Variants in TFRC observed in about 807,000 individuals in gnomAD.
TFRC encodes transferrin receptor protein 1.
In TFRC, 35 loss-of-function variants were observed where a neutral mutation model predicts 85.8. The ratio of observed to expected loss-of-function variants is 0.41; its 90% confidence interval spans 0.31 to 0.54. The LOEUF (loss-of-function observed/expected upper bound fraction) is 0.54, where lower values mean the gene tolerates loss of function less well. TFRC is among the 20% of genes least tolerant of loss of function. TFRC has a pLI of 0.31. For missense variants in TFRC, 828 were observed against 921.5 expected, an observed-to-expected ratio of 0.90 and a Z score of 1.31; for synonymous variants, 362 against 328.6, an observed-to-expected ratio of 1.10 and a Z score of -1.10.
intron 17 of TFRC, among the ~76,000 whole-genome samples, chr3:196,054,340 G>A (rs1157437502): frequency 6.6e-6 from 1 of 152,136 alleles, no homozygotes; most frequent in Non-Finnish European, 1.5e-5. Context: ...GGGAGGTGGA[G>A]GTTGCAGTGA....
intron 17 of TFRC, 74 bp downstream of exon 17, chr3:196,055,006 C>A: frequency 7.1e-7 from 1 of 1,403,274 alleles, no homozygotes; most frequent in Non-Finnish European, 1.0e-6. Flanking sequence ...CCAACAGGAA[C>A]ACACAGGAAC....
At chr3:196,076,323 T>A (rs904651347) in intron 2 of TFRC, among the ~76,000 whole-genome samples, 5 of 152,084 alleles carry the variant, frequency 3.3e-5, no homozygotes, top group South Asian at 2.1e-4. Context: ...CATTTTTTTT[T>A]TAATAGAGAT....
intron 16 of TFRC, chr3:196,055,595 A>G (rs1353218002): frequency 4.7e-6 from 2 of 429,548 alleles, no homozygotes; most frequent in Admixed American, 7.7e-5. Flanking sequence ...TTAAGGCTGT[A>G]TGTTTTTCTC....
intron 6 of TFRC, 109 bp downstream of exon 6, chr3:196,071,287 C>T (rs1577244870): frequency 9.4e-7 from 1 of 1,058,574 alleles, no homozygotes; most frequent in South Asian, 1.4e-5. Flanking sequence ...CAAAATATCT[C>T]ATGATCATTT....
rs781090564 is a variant in TFRC, at chr3:196,065,424, G to A, written c.1198+19C>T. 3.1e-4 allele frequency: 218 copies of A among 710,650 alleles called. 24 individuals are homozygous for A. In the East Asian group the frequency reaches 4.4e-3, roughly 14 times the overall value. The allele number at this position is 710,650 out of a possible 1,614,324, so 44.0% of individuals were successfully genotyped here. Reference sequence around the variant, plus strand: ...AACAAAAAAAAAGCGGGGCGGGGGGGGGGGGGGGCGGTCTTTACCTGGTTC... The same window carrying A: ...AACAAAAAAAAAGCGGGGCGGGGGGAGGGGGGGGCGGTCTTTACCTGGTTC... On this transcript the variant is annotated intron_variant, in intron 10 of 18. Coordinates refer to ENST00000360110, the MANE Select transcript of TFRC (RefSeq NM_001128148.3).
At chr3:196,074,606 G>C (rs1336520591) in intron 3 of TFRC, among the ~76,000 whole-genome samples, 1 of 152,260 alleles carries the variant, frequency 6.6e-6, no homozygotes, top group East Asian at 1.9e-4. Context: ...AAGTGGACGG[G>C]AAAGTGGCTC....
chr3:196,064,203 A>G, intron 11 of TFRC, 106 bp downstream of exon 11: 1 of 1,241,968 alleles, frequency 8.1e-7, no homozygotes, highest in Non-Finnish European at 1.1e-6. Context: ...ACTAGAGTCT[A>G]GCATGAGAAC....
chr3:196,067,481 C>T, intron 9 of TFRC, 37 bp downstream of exon 9: 3 of 1,587,518 alleles, frequency 1.9e-6, no homozygotes, highest in East Asian at 2.3e-5. Context: ...AATCATAAAA[C>T]CTCACTATGC....
At chr3:196,071,965 T>C (rs1374444874) in intron 5 of TFRC, 38 bp downstream of exon 5, 1 of 1,593,234 alleles carries the variant, frequency 6.3e-7, no homozygotes, top group Admixed American at 1.8e-5. Flanking sequence ...TGAAAATAGC[T>C]ACTTGTATAA....
At chr3:196,066,762 T>C (rs1717775521) in intron 9 of TFRC, among the ~76,000 whole-genome samples, 1 of 152,216 alleles carries the variant, frequency 6.6e-6, no homozygotes, top group Admixed American at 6.5e-5. Context: ...ATACTCCTTA[T>C]ATACAGATGT....
chr3:196,052,512 C>T (rs181286914), intron 18 of TFRC, among the ~76,000 whole-genome samples: 180 of 152,112 alleles, frequency 1.2e-3, no homozygotes, highest in South Asian at 7.5e-3. Flanking sequence ...GCGATCTCAG[C>T]TCACTGCAAC....
At position 196,064,400 on chromosome 3, in the gene TFRC, T is replaced by C. The variant is rs1452466722; in HGVS notation, c.1227A>G (p.Arg409=). 3.1e-6 allele frequency: 5 copies of C among 1,609,638 alleles called. No individual in the cohort carries two copies. In the Middle Eastern group the frequency reaches 6.6e-4, roughly 213 times the overall value. The change falls in exon 11 of 19, where the codon AGA becomes AGG. Residue 409 remains arginine, a synonymous_variant. Coordinates refer to ENST00000360110, the MANE Select transcript of TFRC (RefSeq NM_001128148.3). ...TTGCAGCTCCAGGGCCCCATGCATC[T>C]CTCTGGGCCCCAACTACAACATAGT... is the stretch of plus-strand genomic sequence containing the variant. ...PDHYVVVGAQ[R]DAWGPGAAKS... is the part of the protein sequence containing the mutation.
At chr3:196,069,653 A>C (rs1718030382) in intron 6 of TFRC, 85 bp from the exon 7 acceptor site, 1 of 811,328 alleles carries the variant, frequency 1.2e-6, no homozygotes, top group African/African-American at 1.8e-5. Context: ...TATAGATCAA[A>C]CCTAAGACAG....
intron 11 of TFRC, among the ~76,000 whole-genome samples, chr3:196,063,846 G>A (rs975772563): frequency 6.6e-6 from 1 of 152,132 alleles, no homozygotes; most frequent in Non-Finnish European, 1.5e-5. Flanking sequence ...GAAGTCGGGA[G>A]GCAGAGGTTG....
At chr3:196,065,670 A>G (rs1717679218) in intron 9 of TFRC, 70 bp from the exon 10 acceptor site, 1 of 1,483,822 alleles carries the variant, frequency 6.7e-7, no homozygotes, top group Non-Finnish European at 8.9e-7. Flanking sequence ...TGTCCAGTGA[A>G]GTTACAGATT....
Position 196,072,053 on chromosome 3 carries a change from G to T in TFRC, c.534C>A (p.Leu178=). The T allele has an allele frequency of 6.2e-7, 1 of 1,614,148 alleles. No individual in the cohort carries two copies. The highest frequency in any genetic ancestry group is 8.5e-7 in the Non-Finnish European group (1 of 1,180,030). Reference sequence around the variant, plus strand: ...AATGTTGATCACGCCAGACTTTGCTGAGTTTAAATTCACGAAATTGATTTT... The same window carrying T: ...AATGTTGATCACGCCAGACTTTGCTTAGTTTAAATTCACGAAATTGATTTT... ...YVENQFREFK[L]SKVWRDQHFV... Residue 178 remains leucine, a synonymous_variant, in exon 5 of 19, where the codon CTC becomes CTA. Transcript: ENST00000360110.
In TFRC at chr3:196,071,613, A is replaced by C. The variant is rs1718214227; in HGVS notation, c.585-115T>G. ...TTGAGGAAATTTACCTCTAAATCTT[A>C]AGCTTGATTTTTATTTTAAAAGCCT... On this transcript the variant is annotated intron_variant, in intron 5 of 18. Coordinates refer to ENST00000360110, the MANE Select transcript of TFRC (RefSeq NM_001128148.3). The C allele has an allele frequency of 2.8e-6, 3 of 1,068,214 alleles. No homozygotes were observed. In the Admixed American group the frequency reaches 6.3e-5, roughly 22 times the overall value. The allele number at this position is 1,068,214 out of a possible 1,614,324, so 66.2% of individuals were successfully genotyped here. A position where few individuals can be genotyped will look rare whatever the true frequency, so the allele number is the denominator to read the frequency against.
chr3:196,074,083 G>A lies in TFRC; in HGVS notation c.281C>T (p.Pro94Leu). 1 of 1,614,002 alleles carries A rather than the reference G, an allele frequency of 6.2e-7. No individual in the cohort carries two copies. Among genetic ancestry groups the A allele is most frequent in the South Asian group, 1.1e-5 (1 of 91,070 alleles). ...GYLGYCKGVE[P>L]KTECERLAGT... is the part of the protein sequence containing the mutation. Reference sequence around the variant, plus strand: ...TGCCAGTCTCTCACACTCAGTTTTTGGTTCTACCCCTTTACAATAGCCCAA... The same window carrying A: ...TGCCAGTCTCTCACACTCAGTTTTTAGTTCTACCCCTTTACAATAGCCCAA... Residue 94 changes from proline (P) to leucine (L), a missense_variant, in exon 4 of 19, where the codon CCA becomes CTA. Physicochemically the swap from Pro to Leu is moderately conservative, Grantham distance 98. Transcript: ENST00000360110.
Position 196,068,146 on chromosome 3 carries a change from T to G in TFRC, c.802-16A>C. 3 of 1,586,714 alleles carry G rather than the reference T, an allele frequency of 1.9e-6. No homozygotes were observed. The highest frequency in any genetic ancestry group is 2.6e-6 in the Non-Finnish European group (3 of 1,159,026). On this transcript the variant is annotated splice_polypyrimidine_tract_variant and intron_variant, in intron 7 of 18. Transcript: ENST00000360110. ...CATTTGCAACCTAAAAGAAAACATA[T>G]AAAGCTCAGAAAATGAAGATCTGAT...
Sources: allele counts gnomAD v4.1 joint callset (sites outside exome capture counted in the v4.1 genomes callset), GRCh38; gene constraint gnomAD v4.1.1; transcripts MANE v1.5; gene names NCBI Gene and HGNC (gene_info 2026-07-23, HGNC 2026-07-21).